Variants in LDAF1 observed in about 807,000 individuals in gnomAD.
LDAF1 encodes lipid droplet assembly factor 1, also known as PROMETHIN.
In LDAF1, 7 loss-of-function variants were observed where a neutral mutation model predicts 13.5. The observed-to-expected ratio is 0.52, with a 90% CI of 0.29 to 0.97. The LOEUF (loss-of-function observed/expected upper bound fraction) is 0.97, where lower values mean the gene tolerates loss of function less well. LDAF1 is among the 50% of genes least tolerant of loss of function. The pLI is 0.07. For synonymous variants in LDAF1, 69 were observed against 77.1 expected (o/e 0.89, Z 0.55); for missense variants, 148 against 193.2 (o/e 0.77, Z 1.39).
intron 4 of LDAF1, among the ~76,000 whole-genome samples, chr16:21,175,760 A>T (rs565841603): frequency 1.3e-5 from 2 of 152,316 alleles, no homozygotes; most frequent in East Asian, 3.9e-4. Context: ...TTATCCTGTT[A>T]TTATTCCTAT....
At chr16:21,175,174 A>G (rs772967864) in intron 4 of LDAF1, among the ~76,000 whole-genome samples, 7 of 152,232 alleles carry the variant, frequency 4.6e-5, no homozygotes, top group Middle Eastern at 3.2e-3. Context: ...TTTAGAATCT[A>G]AGTCCCAAGT....
chr16:21,172,328 C>T (rs2152847974), intron 3 of LDAF1, among the ~76,000 whole-genome samples: 1 of 152,062 alleles, frequency 6.6e-6, no homozygotes, highest in African/African-American at 2.4e-5. Flanking sequence ...GCACCTGTAT[C>T]CCAGCTACTT....
intron 4 of LDAF1, among the ~76,000 whole-genome samples, chr16:21,175,282 G>A (rs1370486241): frequency 6.6e-6 from 1 of 152,180 alleles, no homozygotes; most frequent in Non-Finnish European, 1.5e-5. Flanking sequence ...CAGGCCTTAT[G>A]TCATGTAATC....
chr16:21,161,419 A>T, intron 2 of LDAF1, 141 bp downstream of exon 2: 4 of 1,019,202 alleles, frequency 3.9e-6, no homozygotes, highest in Non-Finnish European at 1.4e-6. Context: ...TGCCATGTCT[A>T]TGCTGTGACC....
chr16:21,168,709 TTATA>T (rs1202941411), intron 2 of LDAF1, among the ~76,000 whole-genome samples: 2 of 130,306 alleles, frequency 1.5e-5, no homozygotes, highest in African/African-American at 3.2e-5. Context: ...TTATATATAA[TTATA>T]TATATATTTT....
chr16:21,173,318 C>T (rs2093107109), intron 3 of LDAF1: 1 of 152,430 alleles, frequency 6.6e-6, no homozygotes, highest in Admixed American at 6.5e-5. Flanking sequence ...TAATTTACCT[C>T]CCCCAGTACT....
chr16:21,166,696 A>G, intron 2 of LDAF1: 1 of 669,166 alleles, frequency 1.5e-6, no homozygotes, highest in Non-Finnish European at 2.6e-6. Flanking sequence ...TTGGATTGTA[A>G]AGATCAGGTG....
intron 3 of LDAF1, chr16:21,172,790 C>G (rs377480453): frequency 5.1e-6 from 5 of 983,708 alleles, no homozygotes; most frequent in Non-Finnish European, 6.0e-6. Context: ...TTGAAAAACG[C>G]TGATCTAAAA....
chr16:21,165,343 G>A (rs1441471721), intron 2 of LDAF1, among the ~76,000 whole-genome samples: 1 of 152,068 alleles, frequency 6.6e-6, no homozygotes, highest in Non-Finnish European at 1.5e-5. Context: ...CCTGGGAAGC[G>A]GAAGTTGCAG....
At chr16:21,159,870 T>G (rs907177632) in intron 1 of LDAF1, 6,379 of 936,392 alleles carry the variant, frequency 6.8e-3, no homozygotes, top group Middle Eastern at 8.2e-3. Context: ...GCTGCAGAGA[T>G]GAGATTATGG....
intron 2 of LDAF1, among the ~76,000 whole-genome samples, chr16:21,167,967 T>G (rs2093042078): frequency 6.9e-6 from 1 of 143,940 alleles, no homozygotes; most frequent in Non-Finnish European, 1.5e-5. Context: ...GATCTTGCCA[T>G]TGCACTCCAG....
chr16:21,172,717 T>C, intron 3 of LDAF1: 2 of 336,114 alleles, frequency 6.0e-6, no homozygotes, highest in Non-Finnish European at 8.5e-6. Flanking sequence ...GGTTTAGAAA[T>C]CTGAATTTTT....
chr16:21,165,595 C>T (rs13338482), intron 2 of LDAF1: 415,557 of 979,322 alleles, frequency 0.42, 89,494 homozygotes, highest in East Asian at 0.69. Flanking sequence ...TCAGCCTGGA[C>T]TTGACCACAG....
chr16:21,175,303 T>C (rs144526309), intron 4 of LDAF1, among the ~76,000 whole-genome samples: 1 of 152,328 alleles, frequency 6.6e-6, no homozygotes, highest in Non-Finnish European at 1.5e-5. Context: ...CTTAACAATT[T>C]AGCCCCTTTC....
At chr16:21,159,592 A>T in intron 1 of LDAF1, 1 of 772,702 alleles carries the variant, frequency 1.3e-6, no homozygotes, top group Non-Finnish European at 2.0e-6. Context: ...CCAGTCCCCC[A>T]GGCGTGAAGA....
intron 4 of LDAF1, 117 bp from the exon 5 acceptor site, chr16:21,179,358 T>C (rs2093164323): frequency 6.3e-7 from 1 of 1,585,144 alleles, no homozygotes; most frequent in Non-Finnish European, 8.6e-7. Context: ...CCTGGTGTGG[T>C]TGCAAGAAGC....
chr16:21,174,472 C>T (rs930823728), intron 4 of LDAF1, among the ~76,000 whole-genome samples: 3 of 152,062 alleles, frequency 2.0e-5, no homozygotes, highest in Admixed American at 6.6e-5. Flanking sequence ...GCAGGGACTA[C>T]AGGCATGAGC....
At chr16:21,173,822 G>A (rs1264948883) in intron 3 of LDAF1, among the ~76,000 whole-genome samples, 188 bp from the exon 4 acceptor site, 2 of 152,196 alleles carry the variant, frequency 1.3e-5, no homozygotes, top group Non-Finnish European at 2.9e-5. Context: ...GCCATGGTTT[G>A]ATGCCCACTC....
intron 4 of LDAF1, chr16:21,177,262 T>C (rs776367499): frequency 3.3e-5 from 5 of 152,124 alleles, no homozygotes; most frequent in Non-Finnish European, 4.4e-5. Context: ...TAACATGCGG[T>C]TGGGAGAGGG....
Sources: gnomAD v4.1 joint callset for allele counts (sites outside exome capture counted in the v4.1 genomes callset) on GRCh38, gnomAD v4.1.1 for gene constraint, MANE v1.5 for transcripts, NCBI Gene and HGNC (gene_info 2026-07-23, HGNC 2026-07-21) for gene names.